ZIM2: variants seen among roughly 807,000 people sequenced by gnomAD.
The protein encoded by ZIM2 is zinc finger protein 656.
A neutral mutation model predicts 38.6 loss-of-function variants in ZIM2; 14 were observed. The observed-to-expected ratio is 0.36, with a 90% CI of 0.24 to 0.57. The LOEUF (loss-of-function observed/expected upper bound fraction) is 0.57, where lower values mean the gene tolerates loss of function less well. ZIM2 is among the 20% of genes least tolerant of loss of function. The probability of loss-of-function intolerance (pLI) is 0.81; values close to 1 mark genes in which losing one functional copy is unlikely to be tolerated. For synonymous variants in ZIM2, 247 were observed against 245.8 expected (o/e 1.00, Z -0.04); for missense variants, 680 against 695.1 (o/e 0.98, Z 0.24).
chr19:56,835,197 A>G (rs996660937), intron 2 of ZIM2, among the ~76,000 whole-genome samples: 15 of 152,082 alleles, frequency 9.9e-5, no homozygotes, highest in African/African-American at 3.6e-4. Context: ...TGCACCCTGA[A>G]ACCAGATGAT....
At chr19:56,791,289 C>T (rs1277647384) in intron 9 of ZIM2, 3 of 152,148 alleles carry the variant, frequency 2.0e-5, no homozygotes, top group African/African-American at 4.8e-5. Flanking sequence ...GCCTCTGTCT[C>T]CTGGTCTACG....
Position 56,823,601 on chromosome 19 carries a change from T to C in ZIM2, c.95A>G (p.His32Arg), listed in dbSNP as rs967368898. The C allele has an allele frequency of 2.5e-6, 4 of 1,614,130 alleles. No individual in the cohort carries two copies. Among genetic ancestry groups the C allele is most frequent in the Non-Finnish European group, 3.4e-6 (4 of 1,180,004 alleles). The change falls in exon 5 of 13, where the codon CAT (histidine) becomes CGT (arginine). Residue 32 changes from histidine (H) to arginine (R), a missense_variant. Coordinates refer to ENST00000629319, the MANE Select transcript of ZIM2 (RefSeq NM_001387356.1). ...RRESSPPHSV[H>R]SFSGDRDWDR... ...GGATGGGTACTCACCACTGAAAGAA[T>C]GGACTGAGTGAGGTGGTGAGGACTC...
chr19:56,801,022 G>A (rs1239706772), intron 9 of ZIM2, among the ~76,000 whole-genome samples: 1 of 145,134 alleles, frequency 6.9e-6, no homozygotes, highest in Admixed American at 7.2e-5. Context: ...TGCAACCTCC[G>A]CCTCCCAGGT....
rs1399831696 is a variant in ZIM2 at position 56,840,713 on chromosome 19, G to C, written c.-445C>G. The C allele has an allele frequency of 1.3e-5, 2 of 152,620 alleles. No individual in the cohort carries two copies. Among genetic ancestry groups the C allele is most frequent in the African/African-American group, 4.8e-5 (2 of 41,486 alleles). 9.5% of individuals were successfully genotyped at this position (152,620 alleles called of 1,614,324 possible). Reference sequence around the variant, plus strand: ...CTCCCAAACCTCTCCTCCCGCAGCTGCCCAGACTTCTGCACCGAGGTGCAG... The same window carrying C: ...CTCCCAAACCTCTCCTCCCGCAGCTCCCCAGACTTCTGCACCGAGGTGCAG... On this transcript the variant is annotated 5_prime_UTR_variant, in exon 1 of 13. Coordinates refer to ENST00000629319, the MANE Select transcript of ZIM2 (RefSeq NM_001387356.1).
intron 1 of ZIM2, among the ~76,000 whole-genome samples, chr19:56,838,374 C>G (rs1601322449): frequency 6.6e-6 from 1 of 152,208 alleles, no homozygotes; most frequent in African/African-American, 2.4e-5. Flanking sequence ...CTGTGGCTAG[C>G]ACAGACAGTA....
chr19:56,793,437 C>A (rs2870475), intron 9 of ZIM2, among the ~76,000 whole-genome samples: 1 of 151,972 alleles, frequency 6.6e-6, no homozygotes, highest in Non-Finnish European at 1.5e-5. Flanking sequence ...TTGTGGAAGA[C>A]GGTAGGCAGG....
At chr19:56,796,469 G>A (rs1322417700) in intron 9 of ZIM2, among the ~76,000 whole-genome samples, 1 of 152,084 alleles carries the variant, frequency 6.6e-6, no homozygotes, top group African/African-American at 2.4e-5. Context: ...ACAGAACAGT[G>A]GCATCCCCGA....
intron 9 of ZIM2, chr19:56,810,436 G>A: frequency 1.0e-6 from 1 of 983,062 alleles, no homozygotes; most frequent in Non-Finnish European, 1.2e-6. Flanking sequence ...TGACATTTAT[G>A]CATACTTATC....
intron 9 of ZIM2, among the ~76,000 whole-genome samples, chr19:56,797,527 T>C (rs1361448195): frequency 6.6e-6 from 1 of 152,174 alleles, no homozygotes; most frequent in Non-Finnish European, 1.5e-5. Context: ...TTTATTCCTG[T>C]TAGTGTTTGT....
At chr19:56,802,360 A>G (rs935784570) in intron 9 of ZIM2, among the ~76,000 whole-genome samples, 4 of 152,174 alleles carry the variant, frequency 2.6e-5, no homozygotes, top group African/African-American at 9.7e-5. Flanking sequence ...CCCTTTATTG[A>G]GCTCCTAAAA....
At chr19:56,786,150 A>G (rs1019025967) in intron 10 of ZIM2, among the ~76,000 whole-genome samples, 2 of 152,186 alleles carry the variant, frequency 1.3e-5, no homozygotes, top group Admixed American at 1.3e-4. Context: ...ACGGTACCCC[A>G]TACATTTTAA....
At chr19:56,822,708 C>T (rs1169093190) in intron 6 of ZIM2, 45 bp downstream of exon 6, 2 of 1,608,246 alleles carry the variant, frequency 1.2e-6, no homozygotes, top group East Asian at 4.5e-5. Context: ...GTGCACAGCA[C>T]ATGCTCTATA....
Position 56,774,930 on chromosome 19 carries a change from T to C in ZIM2, c.1435A>G (p.Lys479Glu). Reference protein sequence around the residue: ...RVLPPGLSHSKTYLIRYQRKH... With the variant: ...RVLPPGLSHSETYLIRYQRKH... ...CGCTGATAACGAATTAAGTATGTCTTGCTGTGGGACAACCCAGGAGGAAGG... is the reference window on the plus strand; with the variant it reads ...CGCTGATAACGAATTAAGTATGTCTCGCTGTGGGACAACCCAGGAGGAAGG... The change falls in exon 13 of 13, where the codon AAG becomes GAG. Residue 479 changes from lysine (K) to glutamate (E), a missense_variant. Transcript: ENST00000629319. The C allele has an allele frequency of 6.2e-7, 1 of 1,614,192 alleles. No individual in the cohort carries two copies. Among genetic ancestry groups the C allele is most frequent in the Non-Finnish European group, 8.5e-7 (1 of 1,180,036 alleles).
intron 9 of ZIM2, among the ~76,000 whole-genome samples, chr19:56,809,484 T>G (rs1288709632): frequency 1.3e-5 from 2 of 152,178 alleles, no homozygotes. Flanking sequence ...GGGTTCCAGT[T>G]AGCAAGCTGG....
intron 9 of ZIM2, chr19:56,817,176 C>T (rs957579322): frequency 6.2e-7 from 1 of 1,614,236 alleles, no homozygotes; most frequent in Non-Finnish European, 8.5e-7. Flanking sequence ...TGGCTTTTCT[C>T]ATCTCACTAC....
rs769481702 is a variant in ZIM2, at chr19:56,818,645, T to C, written c.352A>G (p.Thr118Ala). The change falls in exon 8 of 13, where the codon ACA becomes GCA. Residue 118 changes from threonine (T) to alanine (A), a missense_variant. Coordinates refer to ENST00000629319, the MANE Select transcript of ZIM2 (RefSeq NM_001387356.1). ...DLAEDRKPHN[T>A]IQDNMENYRK... ...TAGTTTTCCATGTTGTCCTGGATTG[T>C]GTTGTGAGGTTTCCTGTCCTCAGCG... 1.1e-5 allele frequency: 17 copies of C among 1,614,048 alleles called. No individual in the cohort carries two copies. In the South Asian group the frequency reaches 1.8e-4, roughly 17 times the overall value.
At position 56,818,711 on chromosome 19, in the gene ZIM2, G is replaced by A. The variant is rs1209940344; in HGVS notation, c.295-9C>T. 6.2e-7 allele frequency: 1 copy of A among 1,613,988 alleles called. No homozygotes were observed. Among genetic ancestry groups the A allele is most frequent in the East Asian group, 2.2e-5 (1 of 44,878 alleles). On this transcript the variant is annotated splice_polypyrimidine_tract_variant and intron_variant, in intron 7 of 12. Coordinates refer to ENST00000629319, the MANE Select transcript of ZIM2 (RefSeq NM_001387356.1). ...TGGTATGATTCAGCATCCTAAAACAGCAAACACAGACCTCTCAATGGAGTC... is the reference window on the plus strand; with the variant it reads ...TGGTATGATTCAGCATCCTAAAACAACAAACACAGACCTCTCAATGGAGTC...
At position 56,814,424 on chromosome 19, in the gene ZIM2, A is replaced by C; in HGVS notation, c.490+3322T>G. 1 of 1,613,784 alleles carries C rather than the reference A, an allele frequency of 6.2e-7. No individual in the cohort carries two copies. The highest frequency in any genetic ancestry group is 8.5e-7 in the Non-Finnish European group (1 of 1,179,684). On this transcript the variant is annotated intron_variant, in intron 9 of 12. Coordinates refer to ENST00000629319, the MANE Select transcript of ZIM2 (RefSeq NM_001387356.1). This position sits in a 1 kb window ranked among gnomAD's most constrained non-coding sequence, Gnocchi z 5.8. ...GTGAGGACTGTGCTATGAATAAAGG[A>C]CTTACCACAATCCTTGCATTCATAG...
rs747559949 is a variant in ZIM2, at chr19:56,817,212, A to G, written c.490+534T>C. The G allele has an allele frequency of 4.0e-5, 65 of 1,614,028 alleles. No individual in the cohort carries two copies. In the East Asian group the frequency reaches 1.3e-3, roughly 33 times the overall value. ...CACATTCAAAGGGCTTCTTCCTGGG[A>G]CAGCCTTTTTGATCGTGAATCGAGC... is the stretch of plus-strand genomic sequence containing the variant. On this transcript the variant is annotated intron_variant, in intron 9 of 12. Coordinates refer to ENST00000629319, the MANE Select transcript of ZIM2 (RefSeq NM_001387356.1).
Sources: allele counts gnomAD v4.1 joint callset (sites outside exome capture counted in the v4.1 genomes callset), GRCh38; gene constraint gnomAD v4.1.1; non-coding constraint Gnocchi (gnomAD v3.1); transcripts MANE v1.5; gene names NCBI Gene and HGNC (gene_info 2026-07-23, HGNC 2026-07-21).